Variants in GIPC1 observed in about 807,000 individuals in gnomAD.
GIPC1 encodes the protein PDZ domain-containing protein GIPC1.
In GIPC1, 15 loss-of-function variants were observed where a neutral mutation model predicts 28.5. The ratio of observed to expected loss-of-function variants is 0.53; its 90% confidence interval spans 0.35 to 0.81. The LOEUF is 0.81. Among genes scored for constraint, GIPC1 ranks in the 30% least tolerant of loss-of-function variants. The pLI, the probability that GIPC1 is intolerant of heterozygous loss-of-function variation, is 0.01. For synonymous variants in GIPC1, 224 were observed against 206.1 expected (o/e 1.09, Z -0.74); for missense variants, 439 against 481.9 (o/e 0.91, Z 0.83).
chr19:14,485,702 T>TATAGAGAGAG (rs1300117748), intron 3 of GIPC1, among the ~76,000 whole-genome samples: 67 of 58,782 alleles, frequency 1.1e-3, no homozygotes, highest in Non-Finnish European at 2.0e-3. Flanking sequence ...TATATATATA[T>TATAGAGAGAG]AGAGAGAGAG....
intron 3 of GIPC1, among the ~76,000 whole-genome samples, chr19:14,485,702 T>TATATATATATATATAG (rs1300117748): frequency 3.0e-3 from 176 of 58,620 alleles, no homozygotes; most frequent in Non-Finnish European, 3.6e-3. Flanking sequence ...TATATATATA[T>TATATATATATATATAG]AGAGAGAGAG....
rs551545197 is a variant in GIPC1, at chr19:14,490,276, G to A, written c.-31+1380C>T. ...AGCTACTGGGGAGGCTGAGGCAGGA[G>A]AATTGCTTGAACCTGGGAGGTGGAG... On this transcript the variant is annotated intron_variant, in intron 3 of 8. Coordinates refer to ENST00000393033, the MANE Select transcript of GIPC1 (RefSeq NM_005716.4). Among the ~76,000 whole-genome samples, 9 of 152,236 alleles carry A rather than the reference G, an allele frequency of 5.9e-5. No homozygotes were observed. In the South Asian group the frequency reaches 1.9e-3, roughly 32 times the overall value.
chr19:14,493,968 A>AT (rs144372364), intron 1 of GIPC1, among the ~76,000 whole-genome samples: 83 of 119,566 alleles, frequency 6.9e-4, no homozygotes, highest in Non-Finnish European at 9.7e-4. Context: ...GCCTATTTTT[A>AT]TTTTTTTTTG....
chr19:14,494,160 A>G (rs907672709), intron 1 of GIPC1, among the ~76,000 whole-genome samples: 1 of 152,060 alleles, frequency 6.6e-6, no homozygotes, highest in African/African-American at 2.4e-5. Context: ...GGGTTTCACC[A>G]TGTTGATCAG....
At position 14,478,337 on chromosome 19, in the gene GIPC1, G is replaced by T; in HGVS notation, c.*79C>A. 2 of 1,406,556 alleles carry T rather than the reference G, an allele frequency of 1.4e-6. No individual in the cohort carries two copies. The highest frequency in any genetic ancestry group is 1.9e-6 in the Non-Finnish European group (2 of 1,036,058). 87.1% of individuals were successfully genotyped at this position (1,406,556 alleles called of 1,614,324 possible). The stretch of plus-strand genomic sequence containing the variant: ...TGAGCTAGGCTCAGGCTGGAGGCTC[G>T]GGTCCTGACGTCAGTGTCCCTGCTG... On this transcript the variant is annotated 3_prime_UTR_variant, in exon 9 of 9. Transcript: ENST00000393033. This position sits in a 1 kb window ranked among gnomAD's most constrained non-coding sequence, Gnocchi z 5.2.
At chr19:14,479,316 C>T (rs1250625663) in intron 7 of GIPC1, 96 bp downstream of exon 7, 5 of 535,598 alleles carry the variant, frequency 9.3e-6, no homozygotes, top group Non-Finnish European at 1.5e-5. Context: ...TGCACCACTG[C>T]ACTCCAGCCT....
At chr19:14,485,700 TATAGAGAGAGAGAGAGAG>T (rs1290864323) in intron 3 of GIPC1, among the ~76,000 whole-genome samples, 7,994 of 68,796 alleles carry the variant, frequency 0.12, 363 homozygotes, top group Admixed American at 0.19. Flanking sequence ...TATATATATA[TATAGAGAGAGAGAGAGAG>T]AGAGAGAGAG....
At chr19:14,490,481 T>C (rs1046131395) in intron 3 of GIPC1, among the ~76,000 whole-genome samples, 3 of 151,112 alleles carry the variant, frequency 2.0e-5, no homozygotes, top group Non-Finnish European at 4.4e-5. Flanking sequence ...AGTTCGAGAC[T>C]GGCCTGACCA....
In GIPC1 at chr19:14,478,003, A is replaced by G. The variant is rs2071636337; in HGVS notation, c.*413T>C. 5.9e-6 allele frequency: 1 copy of G among 170,616 alleles called. No individual in the cohort carries two copies. Among genetic ancestry groups the G allele is most frequent in the South Asian group, 1.7e-4 (1 of 5,936 alleles). 10.6% of individuals were successfully genotyped at this position (170,616 alleles called of 1,614,324 possible). A position where few individuals can be genotyped will look rare whatever the true frequency, so the allele number is the denominator to read the frequency against. Reference sequence around the variant, plus strand: ...TATTGCATTTGCTGGGGGGAAGGACAACCCTCTCCCCTGTATTCCCTGCGT... The same window carrying G: ...TATTGCATTTGCTGGGGGGAAGGACGACCCTCTCCCCTGTATTCCCTGCGT... On this transcript the variant is annotated 3_prime_UTR_variant, in exon 9 of 9. Transcript: ENST00000393033. The surrounding 1 kb of genome is among the most constrained non-coding windows in gnomAD (Gnocchi z 5.2).
chr19:14,478,702 T>TA lies in GIPC1; in HGVS notation c.831dup (p.Ile278TyrfsTer22). Reference sequence around the variant, plus strand: ...CACTCACCCAGCTCCGTGTCCCTGATACCCATGTAACTCTCCAGCAGGTCA... The same window carrying TA: ...CACTCACCCAGCTCCGTGTCCCTGATAACCCATGTAACTCTCCAGCAGGTCA... On this transcript the variant is annotated frameshift_variant, in exon 8 of 9. Coordinates refer to ENST00000393033, the MANE Select transcript of GIPC1 (RefSeq NM_005716.4). LOFTEE classifies it high-confidence loss of function. The surrounding 1 kb of genome is among the most constrained non-coding windows in gnomAD (Gnocchi z 5.2). The TA allele has an allele frequency of 2.5e-6, 4 of 1,613,756 alleles. No homozygotes were observed. Among genetic ancestry groups the TA allele is most frequent in the Non-Finnish European group, 3.4e-6 (4 of 1,179,858 alleles).
intron 1 of GIPC1, among the ~76,000 whole-genome samples, chr19:14,494,076 C>T (rs1159433463): frequency 1.3e-5 from 2 of 152,168 alleles, no homozygotes; most frequent in African/African-American, 4.8e-5. Flanking sequence ...TCTCCTGCCT[C>T]AGCCTCCTGA....
intron 3 of GIPC1, among the ~76,000 whole-genome samples, chr19:14,486,520 A>C (rs1190742737): frequency 6.6e-6 from 1 of 152,068 alleles, no homozygotes; most frequent in East Asian, 1.9e-4. Flanking sequence ...GATGAGCCAC[A>C]TTTGATATGG....
chr19:14,484,080 A>G (rs1329969648), intron 3 of GIPC1, among the ~76,000 whole-genome samples: 2 of 150,332 alleles, frequency 1.3e-5, no homozygotes, highest in African/African-American at 2.4e-5. Context: ...GACTCACTGC[A>G]ACCTCTGCCT....
intron 4 of GIPC1, among the ~76,000 whole-genome samples, chr19:14,481,456 C>T (rs1374596671): frequency 2.6e-5 from 4 of 152,070 alleles, no homozygotes; most frequent in Non-Finnish European, 5.9e-5. Flanking sequence ...GGTGCGGTGG[C>T]TCACGCCTGT....
At chr19:14,492,276 T>C (rs114171738) in intron 2 of GIPC1, among the ~76,000 whole-genome samples, 2,908 of 152,020 alleles carry the variant, frequency 0.019, 82 homozygotes, top group African/African-American at 0.062. Flanking sequence ...AAGGGTTGCA[T>C]AAATATTGGT....
At position 14,482,891 on chromosome 19, in the gene GIPC1, A is replaced by C; in HGVS notation, c.86T>G (p.Val29Gly). The C allele has an allele frequency of 6.3e-7, 1 of 1,593,664 alleles. No individual in the cohort carries two copies. Residue 29 changes from valine (V) to glycine (G), a missense_variant, in exon 4 of 9, where the codon GTG (valine) becomes GGG (glycine). Transcript: ENST00000393033. ...TCCGCCCAGAGGCCCTGGCTCCCCC[A>C]CGCCCAGCCCTCCACGGCCTGGCTC... is the stretch of plus-strand genomic sequence containing the variant. ...EAEPGRGGLG[V>G]GEPGPLGGGG...
At chr19:14,485,702 T>TATATAGAG (rs1300117748) in intron 3 of GIPC1, among the ~76,000 whole-genome samples, 179 of 58,722 alleles carry the variant, frequency 3.0e-3, no homozygotes, top group Middle Eastern at 0.013. Flanking sequence ...TATATATATA[T>TATATAGAG]AGAGAGAGAG....
At chr19:14,488,450 C>CA (rs1406485401) in intron 3 of GIPC1, among the ~76,000 whole-genome samples, 2 of 148,094 alleles carry the variant, frequency 1.4e-5, no homozygotes, top group Non-Finnish European at 3.0e-5. Context: ...GACTCCATCT[C>CA]AAAAAAACAA....
intron 4 of GIPC1, among the ~76,000 whole-genome samples, chr19:14,481,354 C>G (rs1284266201): frequency 6.6e-6 from 1 of 152,134 alleles, no homozygotes; most frequent in South Asian, 2.1e-4. Flanking sequence ...AGTGATCCCC[C>G]CATCTCAACC....
Sources: gnomAD v4.1 joint callset for allele counts (sites outside exome capture counted in the v4.1 genomes callset) on GRCh38, gnomAD v4.1.1 for gene constraint, Gnocchi (gnomAD v3.1) non-coding constraint, MANE v1.5 for transcripts, NCBI Gene and HGNC (gene_info 2026-07-23, HGNC 2026-07-21) for gene names.